The following DPP6 variants were observed in gnomAD, a reference collection of about 807,000 sequenced individuals.
DPP6 encodes the protein A-type potassium channel modulatory protein DPP6.
In DPP6, 69 loss-of-function variants were observed where a neutral mutation model predicts 122.6. That is an observed-to-expected ratio of 0.56 (90% confidence interval 0.46 to 0.69). DPP6 has a LOEUF of 0.69. DPP6 is among the 30% of genes least tolerant of loss of function. The pLI, the probability that DPP6 is intolerant of heterozygous loss-of-function variation, is 0.00. For missense variants in DPP6, 928 were observed against 1,116.9 expected (o/e 0.83, Z 2.41); for synonymous variants, 418 against 433.1 (o/e 0.97, Z 0.43).
At chr7:154,857,516 A>C (rs1802943057) in intron 17 of DPP6, among the ~76,000 whole-genome samples, 4 of 152,160 alleles carry the variant, frequency 2.6e-5, no homozygotes, top group Admixed American at 2.0e-4. Flanking sequence ...GGGTTTCTTC[A>C]GTGTGTTTAC....
rs73481338 is a variant in DPP6, at chr7:154,064,469, C to G, written c.243+11406C>G. ...TTCAGCTCTCAGTGATAGACACATT[C>G]CACAATGACCTACAGAGAAAAAAAA... On this transcript the variant is annotated intron_variant, in intron 1 of 25. Coordinates refer to ENST00000377770, the MANE Select transcript of DPP6 (RefSeq NM_130797.4). 8.1e-3 allele frequency among the ~76,000 whole-genome samples: 1,227 copies of G among 152,230 alleles called. 18 individuals carry two copies. The highest frequency in any genetic ancestry group is 0.027 in the African/African-American group (1,132 of 41,524).
chr7:154,196,992 A>G (rs79939175), intron 1 of DPP6, among the ~76,000 whole-genome samples: 3,247 of 151,786 alleles, frequency 0.021, 131 homozygotes, highest in African/African-American at 0.073. Flanking sequence ...TTAATCTCCA[A>G]GTTTCTATGT....
intron 17 of DPP6, among the ~76,000 whole-genome samples, chr7:154,858,691 G>A (rs1374358039): frequency 2.6e-5 from 4 of 152,150 alleles, no homozygotes; most frequent in Non-Finnish European, 5.9e-5. Flanking sequence ...TGGGAGCCCC[G>A]TCGAATTAAG....
the DPP6 span, among the ~76,000 whole-genome samples, chr7:153,827,571 T>A: frequency 1.3e-5 from 2 of 152,142 alleles, no homozygotes; most frequent in African/African-American, 4.8e-5. Flanking sequence ...AAAACCCTAG[T>A]GTGTGCAAAC....
chr7:153,958,140 G>A (rs1795152414), intron 1 of DPP6, among the ~76,000 whole-genome samples: 1 of 152,192 alleles, frequency 6.6e-6, no homozygotes, highest in Middle Eastern at 3.4e-3. Context: ...CTCCAGCCTG[G>A]GCGACGGAGT....
At chr7:154,638,455 C>T (rs954371788) in intron 6 of DPP6, among the ~76,000 whole-genome samples, 1 of 152,164 alleles carries the variant, frequency 6.6e-6, no homozygotes, top group Non-Finnish European at 1.5e-5. Context: ...GTTTTATTGT[C>T]CTTTCTGAGC....
chr7:154,738,806 C>A (rs1280544100), intron 8 of DPP6, among the ~76,000 whole-genome samples: 3 of 152,244 alleles, frequency 2.0e-5, no homozygotes, highest in African/African-American at 7.2e-5. Context: ...CCATAAACTT[C>A]AAACGTAAGC....
rs201674422 is a variant in DPP6 at position 154,892,920 on chromosome 7, G to A, written c.*440G>A. On this transcript the variant is annotated 3_prime_UTR_variant, in exon 26 of 26. Coordinates refer to ENST00000377770, the MANE Select transcript of DPP6 (RefSeq NM_130797.4). ...TGTCTCACGTCGCAGTGCCATGGACGCAGCAGTTACAGCACCATTGTTTTA... is the reference window on the plus strand; with the variant it reads ...TGTCTCACGTCGCAGTGCCATGGACACAGCAGTTACAGCACCATTGTTTTA... The A allele has an allele frequency of 1.4e-4, 73 of 523,130 alleles. No homozygotes were observed. Among genetic ancestry groups the A allele is most frequent in the South Asian group, 6.7e-4 (48 of 71,628 alleles). 32.4% of individuals were successfully genotyped at this position (523,130 alleles called of 1,614,324 possible).
At chr7:153,964,913 C>T (rs202106794) in intron 1 of DPP6, among the ~76,000 whole-genome samples, 1 of 113,362 alleles carries the variant, frequency 8.8e-6, no homozygotes. Context: ...CTTTTCTTTT[C>T]CTTTCTTTCT....
intron 5 of DPP6, among the ~76,000 whole-genome samples, chr7:154,628,239 T>C (rs942553704): frequency 5.3e-5 from 8 of 152,238 alleles, no homozygotes; most frequent in African/African-American, 1.7e-4. Flanking sequence ...GACAGTTTCA[T>C]GGTTCTGAAA....
chr7:153,750,348 T>G, the DPP6 span, among the ~76,000 whole-genome samples: 1 of 149,516 alleles, frequency 6.7e-6, no homozygotes, highest in Non-Finnish European at 1.5e-5. Flanking sequence ...GAAATGTATT[T>G]TAATACAGAG....
chr7:154,191,087 G>A (rs2150765599), intron 1 of DPP6, among the ~76,000 whole-genome samples: 1 of 152,280 alleles, frequency 6.6e-6, no homozygotes, highest in Middle Eastern at 3.4e-3. Context: ...TGTGAATCAG[G>A]GGTCTGTTGA....
intron 1 of DPP6, among the ~76,000 whole-genome samples, chr7:154,216,564 A>G (rs1800009400): frequency 6.6e-6 from 1 of 152,120 alleles, no homozygotes; most frequent in Non-Finnish European, 1.5e-5. Context: ...ATTCTTACAA[A>G]TCCACCTTCA....
intron 1 of DPP6, among the ~76,000 whole-genome samples, chr7:154,394,257 T>A (rs2151171328): frequency 6.6e-6 from 1 of 152,138 alleles, no homozygotes; most frequent in East Asian, 1.9e-4. Flanking sequence ...TATTTTCTGT[T>A]TGTTTGTTTG....
intron 16 of DPP6, among the ~76,000 whole-genome samples, chr7:154,832,049 A>C (rs546522203): frequency 2.0e-5 from 3 of 152,210 alleles, no homozygotes; most frequent in Non-Finnish European, 1.5e-5. Context: ...TGCCAGGTTG[A>C]TTTCTTTCTC....
chr7:154,087,035 A>G (rs1201559756), intron 1 of DPP6, among the ~76,000 whole-genome samples: 1 of 152,156 alleles, frequency 6.6e-6, no homozygotes, highest in African/African-American at 2.4e-5. Context: ...GCTGCTGAGA[A>G]TGAGGTGCAG....
At chr7:153,754,260 AT>A in the DPP6 span, among the ~76,000 whole-genome samples, 6 of 152,216 alleles carry the variant, frequency 3.9e-5, no homozygotes, top group African/African-American at 1.4e-4. Flanking sequence ...AATACTACTC[AT>A]GAATCCCACC....
chr7:153,980,339 G>A (rs1314955219), intron 1 of DPP6, among the ~76,000 whole-genome samples: 4 of 152,148 alleles, frequency 2.6e-5, no homozygotes, highest in African/African-American at 7.2e-5. Flanking sequence ...GCATAGAGGT[G>A]TTTATAATAT....
chr7:153,766,143 C>T, the DPP6 span, among the ~76,000 whole-genome samples: 2 of 152,170 alleles, frequency 1.3e-5, no homozygotes, highest in Non-Finnish European at 2.9e-5. Context: ...CCTTTCATTT[C>T]GTGAAAACGG....
Sources: gnomAD v4.1 joint callset for allele counts (sites outside exome capture counted in the v4.1 genomes callset) on GRCh38, gnomAD v4.1.1 for gene constraint, MANE v1.5 for transcripts, NCBI Gene and HGNC (gene_info 2026-07-23, HGNC 2026-07-21) for gene names.